SPRED2: variants seen among roughly 807,000 people sequenced by gnomAD.
The protein encoded by SPRED2 is sprouty-related, EVH1 domain-containing protein 2.
In SPRED2, 47 loss-of-function variants were observed where a neutral mutation model predicts 43.0. The observed-to-expected ratio is 1.09, with a 90% CI of 0.87 to 1.40. The LOEUF is 1.40. SPRED2 is among the 40% of genes most tolerant of loss of function. The pLI is 0.00. For missense variants in SPRED2, 561 were observed against 586.4 expected (o/e 0.96, Z 0.45); for synonymous variants, 225 against 225.7 (o/e 1.00, Z 0.03).
chr2:65,392,746 G>C (rs1675667264), intron 1 of SPRED2, among the ~76,000 whole-genome samples: 1 of 152,198 alleles, frequency 6.6e-6, no homozygotes, highest in Non-Finnish European at 1.5e-5. Flanking sequence ...TCTCAGTAAT[G>C]AATCAGTTCA....
At chr2:65,358,153 G>A (rs547636180) in intron 1 of SPRED2, among the ~76,000 whole-genome samples, 6 of 152,284 alleles carry the variant, frequency 3.9e-5, no homozygotes, top group South Asian at 4.1e-4. Context: ...AACCATGACA[G>A]ACTAACAGAT....
chr2:65,356,276 A>G (rs998740143), intron 1 of SPRED2, among the ~76,000 whole-genome samples: 2 of 152,176 alleles, frequency 1.3e-5, no homozygotes, highest in Admixed American at 6.5e-5. Context: ...AGATGGATAG[A>G]TATGTGTATG....
At chr2:65,361,491 G>C (rs1674813012) in intron 1 of SPRED2, among the ~76,000 whole-genome samples, 1 of 152,172 alleles carries the variant, frequency 6.6e-6, no homozygotes, top group Non-Finnish European at 1.5e-5. Flanking sequence ...TTAATAGAAA[G>C]AACACTTACA....
Position 65,311,682 on chromosome 2 carries a change from G to C in SPRED2, c.*1819C>G, listed in dbSNP as rs1035139346. 1 of 985,554 alleles carries C rather than the reference G, an allele frequency of 1.0e-6. No individual in the cohort carries two copies. The highest frequency in any genetic ancestry group is 1.2e-6 in the Non-Finnish European group (1 of 829,932). The allele number at this position is 985,554 out of a possible 1,614,324, so 61.1% of individuals were successfully genotyped here. A position where few individuals can be genotyped will look rare whatever the true frequency, so the allele number is the denominator to read the frequency against. On this transcript the variant is annotated 3_prime_UTR_variant, in exon 6 of 6. Coordinates refer to ENST00000356388, the MANE Select transcript of SPRED2 (RefSeq NM_181784.3). ...CATCAATCCAGATGGACAGCTCTCT[G>C]CTCCTTTTCCAAACTGGAAAGCCTA...
chr2:65,379,771 G>T (rs1675329091), intron 1 of SPRED2, among the ~76,000 whole-genome samples: 1 of 152,126 alleles, frequency 6.6e-6, no homozygotes, highest in Non-Finnish European at 1.5e-5. Flanking sequence ...CCACAGCAAA[G>T]TCCTCTAAGA....
intron 1 of SPRED2, chr2:65,377,825 C>T (rs1445972965): frequency 1.2e-5 from 5 of 408,672 alleles, no homozygotes; most frequent in African/African-American, 2.1e-5. Flanking sequence ...AGTCCCAGCA[C>T]TTCTCAGACA....
intron 5 of SPRED2, among the ~76,000 whole-genome samples, chr2:65,316,518 G>A (rs1478415466): frequency 1.3e-5 from 2 of 152,310 alleles, no homozygotes; most frequent in East Asian, 3.9e-4. Context: ...ACCACATAAA[G>A]CATATAAAGG....
At chr2:65,410,362 T>C (rs1379860539) in intron 1 of SPRED2, among the ~76,000 whole-genome samples, 1 of 152,220 alleles carries the variant, frequency 6.6e-6, no homozygotes, top group East Asian at 1.9e-4. Flanking sequence ...TGCTGGGTTC[T>C]TTAGCATCGT....
chr2:65,390,595 T>C (rs967895816), intron 1 of SPRED2, among the ~76,000 whole-genome samples: 7 of 152,166 alleles, frequency 4.6e-5, no homozygotes, highest in Admixed American at 3.3e-4. Context: ...TATGGGTGAA[T>C]TACTCCATGT....
chr2:65,371,526 G>A (rs1385943285), intron 1 of SPRED2, among the ~76,000 whole-genome samples: 1 of 152,168 alleles, frequency 6.6e-6, no homozygotes, highest in East Asian at 1.9e-4. Context: ...TCAAGGAGGC[G>A]GCGGAGGCAG....
chr2:65,345,703 T>C (rs377481232), intron 1 of SPRED2, among the ~76,000 whole-genome samples: 1 of 152,258 alleles, frequency 6.6e-6, no homozygotes, highest in East Asian at 1.9e-4. Context: ...AAATTCACCA[T>C]GAAATCACGT....
intron 4 of SPRED2, among the ~76,000 whole-genome samples, chr2:65,318,898 T>A (rs892747975): frequency 7.9e-5 from 12 of 152,138 alleles, no homozygotes; most frequent in Admixed American, 2.6e-4. Flanking sequence ...TCCTCCTGCT[T>A]TGGCCTCCCA....
chr2:65,375,753 G>T (rs2103624020), intron 1 of SPRED2, among the ~76,000 whole-genome samples: 1 of 152,200 alleles, frequency 6.6e-6, no homozygotes, highest in African/African-American at 2.4e-5. Context: ...TTTAAACAAG[G>T]TTCATTCTCA....
chr2:65,362,998 A>ATTTTTTTTT (rs1558669510), intron 1 of SPRED2, among the ~76,000 whole-genome samples: 1 of 102,156 alleles, frequency 9.8e-6, no homozygotes, highest in African/African-American at 4.4e-5. Context: ...TATGGTCATC[A>ATTTTTTTTT]TGTTTTGTTT....
At chr2:65,359,014 C>T (rs568390604) in intron 1 of SPRED2, among the ~76,000 whole-genome samples, 1 of 152,208 alleles carries the variant, frequency 6.6e-6, no homozygotes, top group South Asian at 2.1e-4. Flanking sequence ...ACCACTGAAT[C>T]TTGAATGGCT....
intron 1 of SPRED2, among the ~76,000 whole-genome samples, chr2:65,380,869 C>T (rs1415268949): frequency 2.0e-5 from 3 of 152,048 alleles, no homozygotes; most frequent in African/African-American, 7.2e-5. Context: ...ATTATATCTT[C>T]TATTACATGT....
intron 1 of SPRED2, among the ~76,000 whole-genome samples, chr2:65,412,124 C>CAA (rs200980989): frequency 2.4e-4 from 26 of 106,228 alleles, no homozygotes; most frequent in East Asian, 1.5e-3. Flanking sequence ...GAGACTGTCT[C>CAA]AAAAAAAAAA....
In SPRED2 at chr2:65,407,936, G is replaced by A. The variant is rs146050266; in HGVS notation, c.26+24026C>T. Among the ~76,000 whole-genome samples the A allele has an allele frequency of 2.0e-5, 3 of 152,298 alleles. No homozygotes were observed. The East Asian group carries it at 5.8e-4, about 29-fold the overall frequency. On this transcript the variant is annotated intron_variant, in intron 1 of 5. Coordinates refer to ENST00000356388, the MANE Select transcript of SPRED2 (RefSeq NM_181784.3). Reference sequence around the variant, plus strand: ...GGGCAAGGGAGCCAGAGGTCTAAAGGGGCAAGAAGAAAGAATGTTATCAAA... The same window carrying A: ...GGGCAAGGGAGCCAGAGGTCTAAAGAGGCAAGAAGAAAGAATGTTATCAAA...
chr2:65,395,197 G>T (rs191650352), intron 1 of SPRED2, among the ~76,000 whole-genome samples: 39 of 152,020 alleles, frequency 2.6e-4, no homozygotes, highest in African/African-American at 8.7e-4. Flanking sequence ...CCGTGGCCCC[G>T]GCTCCTGGCC....
Sources: allele counts gnomAD v4.1 joint callset (sites outside exome capture counted in the v4.1 genomes callset), GRCh38; gene constraint gnomAD v4.1.1; transcripts MANE v1.5; gene names NCBI Gene and HGNC (gene_info 2026-07-23, HGNC 2026-07-21).